The following LRRIQ1 variants were observed in gnomAD, a reference collection of about 807,000 sequenced individuals.
LRRIQ1 encodes the protein leucine rich repeats and IQ motif containing 1.
A neutral mutation model predicts 211.9 loss-of-function variants in LRRIQ1; 210 were observed. The ratio of observed to expected loss-of-function variants is 0.99; its 90% CI spans 0.89 to 1.11. LRRIQ1 has a LOEUF of 1.11. LRRIQ1 is among the 50% of genes most tolerant of loss of function. LRRIQ1 has a pLI of 0.00. For synonymous variants in LRRIQ1, 699 were observed against 650.1 expected (o/e 1.08, Z -1.14); for missense variants, 2,136 against 1,939.5 (o/e 1.10, Z -1.90).
intron 4 of LRRIQ1, 77 bp downstream of exon 4, chr12:85,044,886 C>T (rs1450319839): frequency 1.7e-6 from 1 of 578,782 alleles, no homozygotes; most frequent in African/African-American, 2.0e-5. Flanking sequence ...ATTGATACTT[C>T]ACTGATTTTA....
chr12:85,250,262 T>C (rs1895866878), intron 1 of LRRIQ1, among the ~76,000 whole-genome samples: 1 of 151,838 alleles, frequency 6.6e-6, no homozygotes, highest in Non-Finnish European at 1.5e-5. Context: ...TTAGTAGACA[T>C]TCGACATCTA....
chr12:85,202,226 G>A (rs931516412), intron 24 of LRRIQ1, among the ~76,000 whole-genome samples: 2 of 152,102 alleles, frequency 1.3e-5, no homozygotes, highest in African/African-American at 4.8e-5. Context: ...GTCAGTTTTA[G>A]AGTATGTGCC....
chr12:85,082,352 C>T (rs1247770203), intron 11 of LRRIQ1, among the ~76,000 whole-genome samples: 3 of 152,074 alleles, frequency 2.0e-5, no homozygotes, highest in African/African-American at 7.2e-5. Context: ...CGGTTATGCA[C>T]CTTTACATTG....
intron 15 of LRRIQ1, among the ~76,000 whole-genome samples, chr12:85,111,249 G>A (rs1238333440): frequency 2.0e-5 from 3 of 152,052 alleles, no homozygotes; most frequent in Non-Finnish European, 2.9e-5. Context: ...GAAAGGGACC[G>A]ACCATAGGGA....
At chr12:85,219,030 G>T (rs911208674) in intron 24 of LRRIQ1, among the ~76,000 whole-genome samples, 2 of 151,862 alleles carry the variant, frequency 1.3e-5, no homozygotes, top group Non-Finnish European at 2.9e-5. Context: ...TATGCCTAAG[G>T]CAAGTACCTC....
At chr12:85,113,878 A>G (rs975102480) in intron 15 of LRRIQ1, among the ~76,000 whole-genome samples, 3 of 150,180 alleles carry the variant, frequency 2.0e-5, no homozygotes, top group Non-Finnish European at 3.0e-5. Flanking sequence ...TCATAAGGGT[A>G]TCAGAAATTT....
chr12:85,244,767 C>T (rs1203523619), intron 26 of LRRIQ1, 22 bp from the exon 27 acceptor site: 3 of 1,603,604 alleles, frequency 1.9e-6, no homozygotes, highest in East Asian at 4.5e-5. Context: ...TGATTGTATA[C>T]ATTCTCTTCC....
At position 85,244,155 on chromosome 12, in the gene LRRIQ1, C is replaced by T. The variant is rs12298581; in HGVS notation, c.5017-634C>T. ...ATTATTTTTGGCACTTAGATTCGGT[C>T]TAAGTAATACAAATTCAAAGGCAAT... On this transcript the variant is annotated intron_variant, in intron 26 of 26. Transcript: ENST00000393217. Among the ~76,000 whole-genome samples the T allele has an allele frequency of 3.2e-3, 481 of 151,286 alleles. 5 individuals carry two copies. Among genetic ancestry groups the T allele is most frequent in the African/African-American group, 0.011 (445 of 41,374 alleles).
intron 11 of LRRIQ1, among the ~76,000 whole-genome samples, chr12:85,081,058 C>T (rs563082962): frequency 6.6e-6 from 1 of 151,910 alleles, no homozygotes; most frequent in Non-Finnish European, 1.5e-5. Flanking sequence ...CCTCAGAACC[C>T]TTTCTGTATT....
At chr12:85,098,641 T>C (rs1418274949) in intron 12 of LRRIQ1, 93 bp downstream of exon 12, 1 of 1,063,826 alleles carries the variant, frequency 9.4e-7, no homozygotes, top group Non-Finnish European at 1.3e-6. Context: ...TTTTGAATAA[T>C]TATTTTGTTC....
chr12:85,092,033 G>A (rs1222650509), intron 11 of LRRIQ1, among the ~76,000 whole-genome samples: 2 of 152,138 alleles, frequency 1.3e-5, no homozygotes, highest in African/African-American at 4.8e-5. Context: ...ATTCTCATAG[G>A]AGCGTGAATC....
At chr12:85,052,061 G>A (rs1880393456) in intron 6 of LRRIQ1, 116 bp from the exon 7 acceptor site, 2 of 557,920 alleles carry the variant, frequency 3.6e-6, no homozygotes, top group Non-Finnish European at 3.0e-6. Flanking sequence ...AAAGCCATTG[G>A]TTGGGTTGTC....
chr12:85,117,501 A>G (rs1434254117), intron 15 of LRRIQ1, among the ~76,000 whole-genome samples: 3 of 152,216 alleles, frequency 2.0e-5, no homozygotes, highest in Non-Finnish European at 1.5e-5. Flanking sequence ...AGATATATCT[A>G]TTTCAAAGAC....
chr12:85,170,090 A>T (rs1891339208), intron 24 of LRRIQ1, among the ~76,000 whole-genome samples: 1 of 152,056 alleles, frequency 6.6e-6, no homozygotes. Flanking sequence ...AAACGTTTAT[A>T]TCTGGATAAG....
chr12:85,057,184 G>A lies in LRRIQ1; in HGVS notation c.2391G>A (p.Gln797=), dbSNP rs974133155. 1.4e-5 allele frequency: 20 copies of A among 1,386,776 alleles called. No homozygotes were observed. Among genetic ancestry groups the A allele is most frequent in the South Asian group, 1.8e-5 (1 of 54,654 alleles). The allele number at this position is 1,386,776 out of a possible 1,614,324, so 85.9% of individuals were successfully genotyped here. A position where few individuals can be genotyped will look rare whatever the true frequency, so the allele number is the denominator to read the frequency against. The change falls in exon 8 of 27, where the codon CAG becomes CAA. Residue 797 remains glutamine (Q), a splice_region_variant and synonymous_variant. Transcript: ENST00000393217. The part of the protein sequence containing the change: ...LRCGPWDTLQ[Q]VTTVTFQDLP... ...GTGGCCCTTGGGATACTTTACAGCA[G>A]GTATTTCTAATTTTATAATAATTTT... is the stretch of plus-strand genomic sequence containing the variant.
In LRRIQ1 at chr12:85,222,405, A is replaced by G. The variant is rs529047382; in HGVS notation, c.4823-7112A>G. 1.2e-4 allele frequency among the ~76,000 whole-genome samples: 19 copies of G among 152,276 alleles called. 1 individual carries two copies. The East Asian group carries it at 3.7e-3, about 29-fold the overall frequency. ...GGGTTTAGCCAAAGGATTGAGAATA[A>G]AAACATGGAGAAGGTAATGAATCCA... On this transcript the variant is annotated intron_variant, in intron 24 of 26. Transcript: ENST00000393217.
intron 5 of LRRIQ1, among the ~76,000 whole-genome samples, chr12:85,046,978 A>G (rs1056496954): frequency 2.8e-5 from 4 of 144,670 alleles, no homozygotes; most frequent in African/African-American, 1.0e-4. Flanking sequence ...CAGGAAGGGG[A>G]ACATCACACA....
chr12:85,222,586 TA>T (rs1403475080), intron 24 of LRRIQ1, among the ~76,000 whole-genome samples: 1 of 152,168 alleles, frequency 6.6e-6, no homozygotes, highest in Non-Finnish European at 1.5e-5. Flanking sequence ...GAGAAAGCCA[TA>T]ACGCAGATGG....
chr12:85,037,491 TC>T (rs548599366), intron 1 of LRRIQ1, among the ~76,000 whole-genome samples: 234 of 152,282 alleles, frequency 1.5e-3, no homozygotes, highest in African/African-American at 5.1e-3. Flanking sequence ...ACTTTGTTTT[TC>T]TTTTCTTTTC....
Sources: gnomAD v4.1 joint callset for allele counts (sites outside exome capture counted in the v4.1 genomes callset) on GRCh38, gnomAD v4.1.1 for gene constraint, MANE v1.5 for transcripts, NCBI Gene and HGNC (gene_info 2026-07-23, HGNC 2026-07-21) for gene names.